The following EIF4B variants were observed in gnomAD, a reference collection of about 807,000 sequenced individuals.
EIF4B encodes the protein eukaryotic translation initiation factor 4B.
A neutral mutation model predicts 79.3 loss-of-function variants in EIF4B; 8 were observed. The ratio of observed to expected loss-of-function variants is 0.10; its 90% CI spans 0.06 to 0.18. The LOEUF (loss-of-function observed/expected upper bound fraction) is 0.18. Ranked by LOEUF, EIF4B falls within the 10% of genes least tolerant of loss-of-function variation. The pLI, the probability that EIF4B is intolerant of heterozygous loss-of-function variation, is 1.00. For synonymous variants in EIF4B, 238 were observed against 274.7 expected (o/e 0.87, Z 1.32); for missense variants, 515 against 792.4 (o/e 0.65, Z 4.20).
At chr12:53,019,450 C>CTTTTTTTTTTTTTTTTTTTTTTTTTTTTT (rs71095966) in intron 3 of EIF4B, among the ~76,000 whole-genome samples, 2 of 66,000 alleles carry the variant, frequency 3.0e-5, no homozygotes, top group South Asian at 5.1e-4. Context: ...TTTTTTTTTT[C>CTTTTTTTTTTTTTTTTTTTTTTTTTTTTT]TTTTTTTTTT....
Position 53,039,278 on chromosome 12 carries a change from A to G in EIF4B, c.1617A>G (p.Gln539=), listed in dbSNP as rs576098700. ...ATGGGATGAATGCCCCAAAAGGCCAAACTGGGAACTCTAGCCGTGGTCCAG... is the reference window on the plus strand; with the variant it reads ...ATGGGATGAATGCCCCAAAAGGCCAGACTGGGAACTCTAGCCGTGGTCCAG... The part of the protein sequence containing the change: ...KVDGMNAPKG[Q]TGNSSRGPGD... Residue 539 remains glutamine, a synonymous_variant, in exon 13 of 15, where the codon CAA becomes CAG. Coordinates refer to ENST00000262056, the MANE Select transcript of EIF4B (RefSeq NM_001417.7). The G allele has an allele frequency of 7.0e-5, 113 of 1,611,228 alleles. No individual in the cohort carries two copies. In the South Asian group the frequency reaches 8.8e-4, roughly 13 times the overall value.
At chr12:53,026,472 T>G (rs1943336393) in intron 6 of EIF4B, among the ~76,000 whole-genome samples, 1 of 152,342 alleles carries the variant, frequency 6.6e-6, no homozygotes, top group African/African-American at 2.4e-5. Flanking sequence ...ACATGTATCT[T>G]TATCACACAT....
At chr12:53,019,583 C>G (rs1021820787) in intron 3 of EIF4B, among the ~76,000 whole-genome samples, 1 of 145,616 alleles carries the variant, frequency 6.9e-6, no homozygotes, top group Non-Finnish European at 1.5e-5. Context: ...TCAGGCTGGT[C>G]TTGAACTCCT....
At chr12:53,015,871 G>A (rs1300421851) in intron 1 of EIF4B, among the ~76,000 whole-genome samples, 3 of 151,504 alleles carry the variant, frequency 2.0e-5, no homozygotes, top group Non-Finnish European at 2.9e-5. Flanking sequence ...CCAAGTATTC[G>A]GGAGGCTGAG....
In EIF4B at chr12:53,028,137, T is replaced by C; in HGVS notation, c.928T>C (p.Trp310Arg). 6.2e-7 allele frequency: 1 copy of C among 1,613,796 alleles called. No individual in the cohort carries two copies. The highest frequency in any genetic ancestry group is 8.5e-7 in the Non-Finnish European group (1 of 1,179,878). The part of the protein sequence containing the change: ...DRYDRRDDRS[W>R]SSRDDYSRDD... ...ATATGACAGACGGGATGATCGGTCG[T>C]GGAGCTCCAGAGATGATTACTCTCG... is the stretch of plus-strand genomic sequence containing the variant. The change falls in exon 8 of 15, where the codon TGG (tryptophan) becomes CGG (arginine). Residue 310 changes from tryptophan to arginine, a missense_variant. Around this residue, in one of 6 missense-constraint regions of EIF4B, gnomAD observed 187 missense variants for 256.5 expected, o/e 0.73. Transcript: ENST00000262056.
At chr12:53,006,748 A>C (rs565309200) in intron 1 of EIF4B, among the ~76,000 whole-genome samples, 6 of 151,640 alleles carry the variant, frequency 4.0e-5, no homozygotes, top group Admixed American at 1.3e-4. Flanking sequence ...CAGTAATGGT[A>C]GACTCTGGCT....
At chr12:53,019,817 A>G (rs891437591) in intron 3 of EIF4B, 93 bp from the exon 4 acceptor site, 2 of 1,182,386 alleles carry the variant, frequency 1.7e-6, no homozygotes, top group Non-Finnish European at 2.4e-6. Flanking sequence ...AGAAAAATTC[A>G]TGCACATACA....
intron 1 of EIF4B, among the ~76,000 whole-genome samples, chr12:53,006,897 C>A (rs755269156): frequency 6.7e-6 from 1 of 149,852 alleles, no homozygotes; most frequent in African/African-American, 2.5e-5. Context: ...TAGACTACGT[C>A]TCCAAGGCGC....
chr12:53,024,269 AAAAT>A (rs1159180705), intron 6 of EIF4B, among the ~76,000 whole-genome samples: 42 of 152,340 alleles, frequency 2.8e-4, no homozygotes, highest in Non-Finnish European at 1.3e-4. Flanking sequence ...CTACCTAGTA[AAAAT>A]AAATAAATAG....
intron 2 of EIF4B, 116 bp from the exon 3 acceptor site, chr12:53,018,682 G>A (rs1455145398): frequency 1.7e-6 from 2 of 1,167,886 alleles, no homozygotes; most frequent in Non-Finnish European, 2.4e-6. Context: ...ACTTTTTTTG[G>A]TCTGGTTTTC....
At chr12:53,037,917 GTAACTTCCTTTCA>G in intron 11 of EIF4B, 1 of 400,782 alleles carries the variant, frequency 2.5e-6, no homozygotes, top group Non-Finnish European at 4.5e-6. Context: ...ATGGTAGGGG[GTAACTTCCTTTCA>G]TTTCTCTTAA....
intron 1 of EIF4B, among the ~76,000 whole-genome samples, chr12:53,012,729 C>A (rs1298513242): frequency 6.6e-6 from 1 of 151,670 alleles, no homozygotes; most frequent in African/African-American, 2.4e-5. Flanking sequence ...CCTCAGCCTC[C>A]CGAGTAGCTA....
chr12:53,033,730 T>C (rs919352676), intron 8 of EIF4B, 76 bp from the exon 9 acceptor site: 9 of 1,444,928 alleles, frequency 6.2e-6, no homozygotes, highest in African/African-American at 4.3e-5. Flanking sequence ...ATAGGAGTTA[T>C]ATCTGAGAAA....
chr12:53,009,639 G>A lies in EIF4B; in HGVS notation c.13+3143G>A, dbSNP rs147317771. 2.4e-3 allele frequency among the ~76,000 whole-genome samples: 369 copies of A among 152,352 alleles called. 1 individual carries two copies. Among genetic ancestry groups the A allele is most frequent in the African/African-American group, 8.4e-3 (349 of 41,578 alleles). ...TTTTATAGGGAGAAGATGCTCTGCAGTGGTTGTTTTCATACACTGCTGACT... is the reference window on the plus strand; with the variant it reads ...TTTTATAGGGAGAAGATGCTCTGCAATGGTTGTTTTCATACACTGCTGACT... On this transcript the variant is annotated intron_variant, in intron 1 of 14. Transcript: ENST00000262056.
Position 53,040,367 on chromosome 12 carries a change from A to C in EIF4B, c.*144A>C. The C allele has an allele frequency of 1.2e-6, 1 of 829,792 alleles. No homozygotes were observed. Among genetic ancestry groups the C allele is most frequent in the Non-Finnish European group, 1.8e-6 (1 of 547,278 alleles). The allele number at this position is 829,792 out of a possible 1,614,324, so 51.4% of individuals were successfully genotyped here. On this transcript the variant is annotated 3_prime_UTR_variant, in exon 15 of 15. Coordinates refer to ENST00000262056, the MANE Select transcript of EIF4B (RefSeq NM_001417.7). ...TACCTTTTTTTAAAAACAAAAAATG[A>C]AATTATTTTGCATGCTGCTGCAGCC...
At chr12:53,019,529 G>C (rs1012621950) in intron 3 of EIF4B, among the ~76,000 whole-genome samples, 2 of 119,096 alleles carry the variant, frequency 1.7e-5, no homozygotes, top group African/African-American at 6.4e-5. Flanking sequence ...TACATGCCCA[G>C]CTAATTTTTT....
At chr12:53,039,141 A>T (rs1304065363) in intron 12 of EIF4B, 97 bp from the exon 13 acceptor site, 10 of 867,388 alleles carry the variant, frequency 1.2e-5, no homozygotes, top group African/African-American at 1.7e-5. Context: ...CCCTCAGTAC[A>T]TGTGGGCACA....
At chr12:53,009,216 T>A (rs1323738343) in intron 1 of EIF4B, among the ~76,000 whole-genome samples, 1 of 152,150 alleles carries the variant, frequency 6.6e-6, no homozygotes, top group African/African-American at 2.4e-5. Flanking sequence ...TTGATACAGG[T>A]TAACATTTAA....
intron 4 of EIF4B, chr12:53,021,596 A>C: frequency 1.5e-6 from 1 of 657,792 alleles, no homozygotes; most frequent in Admixed American, 2.4e-5. Flanking sequence ...AGTATAATTG[A>C]CCTAATATTC....
Sources: allele counts gnomAD v4.1 joint callset (sites outside exome capture counted in the v4.1 genomes callset), GRCh38; gene constraint gnomAD v4.1.1; regional missense constraint gnomAD v4.1.1; transcripts MANE v1.5; gene names NCBI Gene and HGNC (gene_info 2026-07-23, HGNC 2026-07-21).